Variants in PTPRG observed in about 807,000 individuals in gnomAD.
PTPRG encodes protein tyrosine phosphatase receptor type G.
PTPRG carries 102 observed loss-of-function variants against 165.3 expected under a neutral mutation model. The observed-to-expected ratio is 0.62, with a 90% CI of 0.53 to 0.73. The LOEUF (loss-of-function observed/expected upper bound fraction) is 0.73. Among genes scored for constraint, PTPRG ranks in the 30% least tolerant of loss-of-function variants. The pLI is 0.00. For missense variants in PTPRG, 1,866 were observed against 1,861.4 expected (o/e 1.00, Z -0.05); for synonymous variants, 675 against 669.5 (o/e 1.01, Z -0.13).
intron 2 of PTPRG, among the ~76,000 whole-genome samples, chr3:61,947,755 G>A (rs1010013541): frequency 1.3e-5 from 2 of 152,090 alleles, no homozygotes; most frequent in African/African-American, 4.8e-5. Context: ...AATGCCAAAG[G>A]AACAAAATCT....
intron 5 of PTPRG, among the ~76,000 whole-genome samples, chr3:62,089,101 T>G (rs2106789525): frequency 6.6e-6 from 1 of 152,364 alleles, no homozygotes; most frequent in East Asian, 1.9e-4. Flanking sequence ...ATTTATGATA[T>G]GTCTCAACCC....
At chr3:61,838,998 A>G (rs939920488) in intron 2 of PTPRG, among the ~76,000 whole-genome samples, 5 of 152,192 alleles carry the variant, frequency 3.3e-5, no homozygotes, top group African/African-American at 1.2e-4. Flanking sequence ...GCAAAACCAA[A>G]GCTTTATGAA....
intron 2 of PTPRG, among the ~76,000 whole-genome samples, chr3:61,847,087 C>G (rs1021010356): frequency 6.6e-6 from 1 of 152,126 alleles, no homozygotes; most frequent in African/African-American, 2.4e-5. Flanking sequence ...TGTTGAATTC[C>G]TAACCCCTAG....
chr3:62,109,228 G>A (rs1033084581), intron 5 of PTPRG, among the ~76,000 whole-genome samples: 7 of 152,168 alleles, frequency 4.6e-5, no homozygotes, highest in Non-Finnish European at 8.8e-5. Context: ...TGTATAAGGT[G>A]TAAGGAAGGG....
intron 1 of PTPRG, among the ~76,000 whole-genome samples, chr3:61,707,852 G>C (rs2031341638): frequency 6.6e-6 from 1 of 152,096 alleles, no homozygotes; most frequent in Non-Finnish European, 1.5e-5. Flanking sequence ...GCAGTGGTGT[G>C]AACATGGTTC....
intron 2 of PTPRG, among the ~76,000 whole-genome samples, chr3:61,807,028 G>A (rs1189847461): frequency 6.6e-5 from 10 of 152,132 alleles, no homozygotes; most frequent in Non-Finnish European, 2.9e-5. Flanking sequence ...TTCATTTTCT[G>A]CACCCAAGTG....
At chr3:61,983,744 A>G (rs1251585953) in intron 2 of PTPRG, among the ~76,000 whole-genome samples, 1 of 152,172 alleles carries the variant, frequency 6.6e-6, no homozygotes, top group African/African-American at 2.4e-5. Flanking sequence ...TAGGTCAGTT[A>G]TTAACAGAGA....
At chr3:62,083,864 A>G (rs181568994) in intron 5 of PTPRG, among the ~76,000 whole-genome samples, 126 of 152,340 alleles carry the variant, frequency 8.3e-4, no homozygotes, top group East Asian at 1.7e-3. Flanking sequence ...TCAGATGCAC[A>G]TAGAAGTTTG....
rs139942891 is a variant in PTPRG, at chr3:61,895,932, CTT to C, written c.191-93692_191-93691del. 7.6e-3 allele frequency among the ~76,000 whole-genome samples: 1,154 copies of C among 152,260 alleles called. 11 individuals carry two copies. Among genetic ancestry groups the C allele is most frequent in the African/African-American group, 0.025 (1,059 of 41,544 alleles). Reference sequence around the variant, plus strand: ...TGTAAAAAATAATACAGAGATATCACTTATATACTTTGCCTAGTTTCCCCAAA... The same window carrying C: ...TGTAAAAAATAATACAGAGATATCACATATACTTTGCCTAGTTTCCCCAAA... On this transcript the variant is annotated intron_variant, in intron 2 of 29. Coordinates refer to ENST00000474889, the MANE Select transcript of PTPRG (RefSeq NM_002841.4).
chr3:61,868,166 T>C (rs895277980), intron 2 of PTPRG, among the ~76,000 whole-genome samples: 1 of 152,296 alleles, frequency 6.6e-6, no homozygotes, highest in African/African-American at 2.4e-5. Context: ...AGGCTGTGGA[T>C]TGAGAGTTTA....
intron 1 of PTPRG, among the ~76,000 whole-genome samples, chr3:61,591,987 T>C (rs912855715): frequency 6.6e-6 from 1 of 151,824 alleles, no homozygotes; most frequent in Non-Finnish European, 1.5e-5. Context: ...ATTTTTTTTT[T>C]TTTTGGATGG....
chr3:61,565,088 A>G (rs934535531), intron 1 of PTPRG, among the ~76,000 whole-genome samples: 1 of 152,240 alleles, frequency 6.6e-6, no homozygotes, highest in African/African-American at 2.4e-5. Flanking sequence ...ATAACTCAGC[A>G]TAACTCTTCA....
intron 5 of PTPRG, among the ~76,000 whole-genome samples, chr3:62,081,958 A>T (rs1701597925): frequency 6.6e-6 from 1 of 152,216 alleles, no homozygotes; most frequent in Non-Finnish European, 1.5e-5. Context: ...TAATAAACAC[A>T]ATCTTCTCCT....
chr3:62,014,227 AC>A (rs775212013), intron 4 of PTPRG, among the ~76,000 whole-genome samples: 4 of 151,808 alleles, frequency 2.6e-5, no homozygotes, highest in African/African-American at 9.7e-5. Flanking sequence ...ATTTCATTGC[AC>A]CCCCCCTTTA....
At chr3:61,643,269 GAGAGAGAA>G (rs1702112789) in intron 1 of PTPRG, among the ~76,000 whole-genome samples, 3 of 150,386 alleles carry the variant, frequency 2.0e-5, no homozygotes, top group South Asian at 4.2e-4. Flanking sequence ...GGGAGAGAGA[GAGAGAGAA>G]AGAGAGAGAG....
chr3:61,873,887 C>A (rs2037653243), intron 2 of PTPRG, among the ~76,000 whole-genome samples: 1 of 152,170 alleles, frequency 6.6e-6, no homozygotes, highest in African/African-American at 2.4e-5. Context: ...AGAGACTCAA[C>A]CTCCTCCTGC....
At chr3:62,026,881 A>T (rs1457303169) in intron 4 of PTPRG, among the ~76,000 whole-genome samples, 1 of 138,268 alleles carries the variant, frequency 7.2e-6, no homozygotes. Context: ...GTGAGAATTA[A>T]AAAAAAAAAA....
At chr3:61,851,362 A>T (rs1443802913) in intron 2 of PTPRG, among the ~76,000 whole-genome samples, 1 of 152,164 alleles carries the variant, frequency 6.6e-6, no homozygotes, top group Non-Finnish European at 1.5e-5. Context: ...CCCTGTTTGA[A>T]TGGTTCCTCA....
intron 4 of PTPRG, among the ~76,000 whole-genome samples, chr3:62,018,581 A>G (rs908736536): frequency 1.3e-5 from 2 of 152,244 alleles, no homozygotes; most frequent in African/African-American, 4.8e-5. Context: ...GAGTTAAGGT[A>G]TTACTGCCTC....
Sources: allele counts gnomAD v4.1 joint callset (sites outside exome capture counted in the v4.1 genomes callset), GRCh38; gene constraint gnomAD v4.1.1; transcripts MANE v1.5; gene names NCBI Gene and HGNC (gene_info 2026-07-23, HGNC 2026-07-21).